CTSB: variants seen among roughly 807,000 people sequenced by gnomAD.
CTSB encodes the protein cathepsin B.
A neutral mutation model predicts 44.3 loss-of-function variants in CTSB; 57 were observed. The ratio of observed to expected loss-of-function variants is 1.29; its 90% CI spans 1.04 to 1.60. The LOEUF (loss-of-function observed/expected upper bound fraction) is 1.60, where lower values mean the gene tolerates loss of function less well. CTSB is among the 40% of genes most tolerant of loss of function. The probability of loss-of-function intolerance (pLI) is 0.00; values close to 1 mark genes in which losing one functional copy is unlikely to be tolerated. For synonymous variants in CTSB, 320 were observed against 168.0 expected (o/e 1.91, Z -7.00); for missense variants, 768 against 443.0 (o/e 1.73, Z -6.59).
rs74531345 is a variant in CTSB at position 11,848,155 on chromosome 8, G to A, written c.447-3C>T. 4.0e-5 allele frequency: 65 copies of A among 1,613,258 alleles called. 1 individual carries two copies. In the Admixed American group the frequency reaches 5.3e-4, roughly 13 times the overall value. On this transcript the variant is annotated splice_region_variant and splice_polypyrimidine_tract_variant and intron_variant, in intron 5 of 9. Coordinates refer to ENST00000353047, the MANE Select transcript of CTSB (RefSeq NM_001908.5). Reference sequence around the variant, plus strand: ...CAGCAGGATAGCCACCATTACAGCTGAAAAGACAGCCTCTAATGAAAACCT... The same window carrying A: ...CAGCAGGATAGCCACCATTACAGCTAAAAAGACAGCCTCTAATGAAAACCT...
Position 11,844,296 on chromosome 8 carries a change from C to T in CTSB, c.*829G>A, listed in dbSNP as rs1324402693. 6.6e-6 allele frequency: 1 copy of T among 152,234 alleles called. No individual in the cohort carries two copies. The highest frequency in any genetic ancestry group is 6.5e-5 in the Admixed American group (1 of 15,284). 9.4% of individuals were successfully genotyped at this position (152,234 alleles called of 1,614,324 possible). ...AAGTCTATAGGCAGTGACAAAGGATCTGAGATCCCATCAGAGTAGACTTCA... is the reference window on the plus strand; with the variant it reads ...AAGTCTATAGGCAGTGACAAAGGATTTGAGATCCCATCAGAGTAGACTTCA... On this transcript the variant is annotated 3_prime_UTR_variant, in exon 10 of 10. Coordinates refer to ENST00000353047, the MANE Select transcript of CTSB (RefSeq NM_001908.5).
chr8:11,845,196 CCTGTCCT>C lies in CTSB; in HGVS notation c.942_948del (p.Gly315IlefsTer46). 6.2e-7 allele frequency: 1 copy of C among 1,613,800 alleles called. No individual in the cohort carries two copies. Among genetic ancestry groups the C allele is most frequent in the Non-Finnish European group, 8.5e-7 (1 of 1,179,696 alleles). Reference sequence around the variant, plus strand: ...ACTTCTGATTCGATTCCACAGTGATCCTGTCCTCTGAGTATTTTAAAGAAGCCTGGGA... The same window carrying C: ...ACTTCTGATTCGATTCCACAGTGATCCTGAGTATTTTAAAGAAGCCTGGGA... On this transcript the variant is annotated frameshift_variant, in exon 10 of 10. Transcript: ENST00000353047. LOFTEE classifies it high-confidence loss of function.
intron 8 of CTSB, 131 bp from the exon 9 acceptor site, chr8:11,845,920 G>A (rs113225152): frequency 5.4e-6 from 6 of 1,100,976 alleles, no homozygotes; most frequent in African/African-American, 1.6e-5. Flanking sequence ...GCTCCACCAG[G>A]AGGCTCCAGG....
At chr8:11,852,219 A>T (rs945867241) in intron 3 of CTSB, among the ~76,000 whole-genome samples, 1 of 152,054 alleles carries the variant, frequency 6.6e-6, no homozygotes, top group East Asian at 1.9e-4. Context: ...AAAAATACAA[A>T]TATTAGCCGT....
chr8:11,847,924 C>G (rs368459092), intron 6 of CTSB, 102 bp from the exon 7 acceptor site: 4 of 1,427,244 alleles, frequency 2.8e-6, no homozygotes, highest in Non-Finnish European at 3.8e-6. Flanking sequence ...CAGGCAGGTC[C>G]TGCCAGAGGC....
At chr8:11,866,074 G>A (rs1817104779) in intron 1 of CTSB, among the ~76,000 whole-genome samples, 1 of 150,614 alleles carries the variant, frequency 6.6e-6, no homozygotes, top group African/African-American at 2.4e-5. Context: ...ATCACTGACA[G>A]ACATCCCAAG....
At chr8:11,858,193 T>C (rs983976851) in intron 1 of CTSB, among the ~76,000 whole-genome samples, 3 of 152,264 alleles carry the variant, frequency 2.0e-5, no homozygotes, top group Non-Finnish European at 4.4e-5. Flanking sequence ...CAGCGGGCTC[T>C]GTTCCCTCCC....
intron 3 of CTSB, 118 bp from the exon 4 acceptor site, chr8:11,851,098 C>A: frequency 3.4e-6 from 2 of 590,184 alleles, no homozygotes; most frequent in Middle Eastern, 2.7e-4. Flanking sequence ...ACAAGACATG[C>A]CGAAGAAGGC....
At chr8:11,850,419 C>CAAAAAAAAAAA (rs61067792) in intron 4 of CTSB, among the ~76,000 whole-genome samples, 4 of 53,754 alleles carry the variant, frequency 7.4e-5, no homozygotes, top group Non-Finnish European at 9.9e-5. Context: ...ACTCCATCTC[C>CAAAAAAAAAAA]AAAAAAAAAA....
chr8:11,845,076 T>C lies in CTSB; in HGVS notation c.*49A>G. On this transcript the variant is annotated 3_prime_UTR_variant, in exon 10 of 10. Coordinates refer to ENST00000353047, the MANE Select transcript of CTSB (RefSeq NM_001908.5). ...CGTGAACTTAAAGAATAAAATGCAT[T>C]TCTACCCCGATCTCGCCCCCAGGAC... 2 of 1,255,668 alleles carry C rather than the reference T, an allele frequency of 1.6e-6. No individual in the cohort carries two copies. The highest frequency in any genetic ancestry group is 2.3e-6 in the Non-Finnish European group (2 of 855,004). The allele number at this position is 1,255,668 out of a possible 1,614,324, so 77.8% of individuals were successfully genotyped here.
intron 1 of CTSB, among the ~76,000 whole-genome samples, chr8:11,863,670 G>C (rs1461356239): frequency 2.0e-5 from 3 of 152,142 alleles, no homozygotes; most frequent in Non-Finnish European, 4.4e-5. Context: ...GCATAAGTGG[G>C]TTACTGTTGT....
intron 5 of CTSB, 56 bp downstream of exon 5, chr8:11,848,990 C>A: frequency 1.5e-6 from 2 of 1,345,588 alleles, no homozygotes; most frequent in Non-Finnish European, 2.1e-6. Context: ...CACTGAGAAG[C>A]TGGGGCCCAG....
In CTSB at chr8:11,845,123, G is replaced by C; in HGVS notation, c.*2C>G. On this transcript the variant is annotated 3_prime_UTR_variant, in exon 10 of 10. Transcript: ENST00000353047. ...GGACTGGCACGACAGGCCCACGGCA[G>C]ATTAGATCTTTTCCCAGTACTGATC... 10 of 1,607,936 alleles carry C rather than the reference G, an allele frequency of 6.2e-6. No individual in the cohort carries two copies. The highest frequency in any genetic ancestry group is 7.7e-6 in the Non-Finnish European group (9 of 1,174,288).
At position 11,847,742 on chromosome 8, in the gene CTSB, G is replaced by C; in HGVS notation, c.613C>G (p.Pro205Ala). The part of the protein sequence containing the change: ...RPPCTGEGDT[P>A]KCSKICEPGY... ...GGCTCACAGATCTTGCTACACTTGG[G>C]GGTATCTCCCTCCCCCGTGCATGGG... Residue 205 changes from proline (P) to alanine (A), a missense_variant, in exon 7 of 10, where the codon CCC (proline) becomes GCC (alanine). Coordinates refer to ENST00000353047, the MANE Select transcript of CTSB (RefSeq NM_001908.5). The C allele has an allele frequency of 6.2e-7, 1 of 1,601,296 alleles. No individual in the cohort carries two copies. The highest frequency in any genetic ancestry group is 8.5e-7 in the Non-Finnish European group (1 of 1,175,818).
chr8:11,864,380 C>G (rs1048595807), intron 1 of CTSB: 1 of 149,014 alleles, frequency 6.7e-6, no homozygotes, highest in African/African-American at 2.5e-5. Flanking sequence ...ACTTACTACT[C>G]GGGAGGCTGA....
intron 1 of CTSB, chr8:11,853,919 A>ACTCAGACACAGACAAACAAGCT (rs1815060106): frequency 6.5e-6 from 1 of 153,694 alleles, no homozygotes; most frequent in Non-Finnish European, 1.4e-5. Flanking sequence ...CCTAGTTTCG[A>ACTCAGACACAGACAAACAAGCT]CAGGACACAG....
In CTSB at chr8:11,847,759, G is replaced by A. The variant is rs147640153; in HGVS notation, c.596C>T (p.Thr199Met). ...HHVNGSRPPC[T>M]GEGDTPKCSK... Reference sequence around the variant, plus strand: ...ACACTTGGGGGTATCTCCCTCCCCCGTGCATGGGGGCCGGGAGCCGTTGAC... The same window carrying A: ...ACACTTGGGGGTATCTCCCTCCCCCATGCATGGGGGCCGGGAGCCGTTGAC... Residue 199 changes from threonine to methionine, a missense_variant, in exon 7 of 10, where the codon ACG becomes ATG. Transcript: ENST00000353047. 28 of 1,600,740 alleles carry A rather than the reference G, an allele frequency of 1.7e-5. No homozygotes were observed. The highest frequency in any genetic ancestry group is 1.5e-4 in the African/African-American group (11 of 73,988).
intron 1 of CTSB, among the ~76,000 whole-genome samples, chr8:11,862,731 C>G (rs190517788): frequency 1.3e-5 from 2 of 152,366 alleles, no homozygotes; most frequent in East Asian, 1.9e-4. Context: ...AGCTGTGTGA[C>G]TGTGTGTGTG....
chr8:11,852,730 C>T, intron 2 of CTSB, 35 bp from the exon 3 acceptor site: 1 of 1,598,958 alleles, frequency 6.3e-7, no homozygotes, highest in Non-Finnish European at 8.6e-7. Flanking sequence ...GAAGGGTCTC[C>T]CGGGATGGCG....
Sources: gnomAD v4.1 joint callset for allele counts (sites outside exome capture counted in the v4.1 genomes callset) on GRCh38, gnomAD v4.1.1 for gene constraint, MANE v1.5 for transcripts, NCBI Gene and HGNC (gene_info 2026-07-23, HGNC 2026-07-21) for gene names.